ZC3H12B: variants seen among roughly 807,000 people sequenced by gnomAD.
ZC3H12B encodes the protein zinc finger CCCH-type containing 12B, also known as probable ribonuclease ZC3H12B.
Under a neutral mutation model 43.9 loss-of-function variants are expected in ZC3H12B, and 7 were observed. The observed-to-expected ratio is 0.16, with a 90% CI of 0.09 to 0.30. The LOEUF (loss-of-function observed/expected upper bound fraction) is 0.30. ZC3H12B is among the 10% of genes least tolerant of loss of function. ZC3H12B has a pLI of 1.00. For missense variants in ZC3H12B, 475 were observed against 670.2 expected, an observed-to-expected ratio of 0.71 and a Z score of 3.22; for synonymous variants, 222 against 241.7, an observed-to-expected ratio of 0.92 and a Z score of 0.76.
At chrX:65,114,415 T>C in the ZC3H12B span, among the ~76,000 whole-genome samples, 1 of 110,458 alleles carries the variant, frequency 9.1e-6, no homozygotes, top group African/African-American at 3.3e-5. Flanking sequence ...TTCAATTTTC[T>C]CTAGAGTTCT....
At chrX:65,143,849 G>C in the ZC3H12B span, among the ~76,000 whole-genome samples, 2 of 110,808 alleles carry the variant, frequency 1.8e-5, no homozygotes, top group African/African-American at 6.6e-5. Flanking sequence ...GATTACAAGC[G>C]TGAGCCACTG....
At chrX:65,248,761 G>C in the ZC3H12B span, among the ~76,000 whole-genome samples, 1 of 111,716 alleles carries the variant, frequency 9.0e-6, no homozygotes, top group African/African-American at 3.2e-5. Flanking sequence ...TTGATTTTTT[G>C]ATTATGGCCA....
At chrX:65,281,734 G>A in the ZC3H12B span, among the ~76,000 whole-genome samples, 1 of 112,268 alleles carries the variant, frequency 8.9e-6, no homozygotes, top group African/African-American at 3.2e-5. Flanking sequence ...AAGAAACACA[G>A]GGTAAACACT....
chrX:65,263,992 T>C, the ZC3H12B span, among the ~76,000 whole-genome samples: 1 of 111,328 alleles, frequency 9.0e-6, no homozygotes, highest in East Asian at 2.8e-4. Context: ...AAAAAAAGAA[T>C]GAAATAATGT....
the ZC3H12B span, among the ~76,000 whole-genome samples, chrX:65,144,585 G>C: frequency 9.0e-6 from 1 of 111,620 alleles, no homozygotes; most frequent in Non-Finnish European, 1.9e-5. Flanking sequence ...TGCTCTTTGA[G>C]ACTTTTGGAT....
the ZC3H12B span, among the ~76,000 whole-genome samples, chrX:65,335,524 G>A: frequency 9.0e-6 from 1 of 111,578 alleles, no homozygotes; most frequent in African/African-American, 3.3e-5. Context: ...ACAAAATCTA[G>A]ACTCCTCAAA....
At chrX:65,240,748 A>G in the ZC3H12B span, among the ~76,000 whole-genome samples, 4 of 111,951 alleles carry the variant, frequency 3.6e-5, no homozygotes, top group African/African-American at 1.3e-4. Context: ...TGAATGGGAT[A>G]TTTGTAGCGG....
chrX:65,201,022 A>G, the ZC3H12B span, among the ~76,000 whole-genome samples: 4 of 111,785 alleles, frequency 3.6e-5, no homozygotes, highest in Non-Finnish European at 7.5e-5. Flanking sequence ...TATGTCTGCC[A>G]GGTTTTGGTA....
chrX:65,147,344 G>A, the ZC3H12B span, among the ~76,000 whole-genome samples: 2 of 111,414 alleles, frequency 1.8e-5, no homozygotes, highest in African/African-American at 6.5e-5. Flanking sequence ...CAGTGCCTGA[G>A]TATGTGGAAT....
At chrX:65,444,616 A>T (rs1202225510) in intron 3 of ZC3H12B, among the ~76,000 whole-genome samples, 1 of 112,031 alleles carries the variant, frequency 8.9e-6, no homozygotes, top group Non-Finnish European at 1.9e-5. Flanking sequence ...ATGAAAATGG[A>T]CTAATACAGT....
At chrX:65,213,193 A>G in the ZC3H12B span, among the ~76,000 whole-genome samples, 1 of 109,873 alleles carries the variant, frequency 9.1e-6, no homozygotes, top group Non-Finnish European at 1.9e-5. Flanking sequence ...TTTATTCAGC[A>G]CTTAAAAAAA....
intron 3 of ZC3H12B, among the ~76,000 whole-genome samples, chrX:65,459,515 A>C (rs1401832445): frequency 1.3e-4 from 15 of 111,872 alleles, no homozygotes; most frequent in African/African-American, 4.9e-4. Flanking sequence ...CACCATGATC[A>C]AGTGGGCTTC....
the ZC3H12B span, among the ~76,000 whole-genome samples, chrX:65,162,190 G>T: frequency 1.8e-5 from 2 of 110,968 alleles, no homozygotes; most frequent in African/African-American, 6.6e-5. Flanking sequence ...CTCTCTGGCT[G>T]CCCTTAACAT....
chrX:65,346,122 T>A, the ZC3H12B span, among the ~76,000 whole-genome samples: 1 of 111,372 alleles, frequency 9.0e-6, no homozygotes, highest in Admixed American at 9.6e-5. Context: ...AAAAATATTT[T>A]AAAATTCATA....
At chrX:65,035,708 C>A in the ZC3H12B span, among the ~76,000 whole-genome samples, 2 of 111,364 alleles carry the variant, frequency 1.8e-5, no homozygotes, top group East Asian at 5.7e-4. Flanking sequence ...GGTTTGAACA[C>A]ATAGCTGGAG....
the ZC3H12B span, among the ~76,000 whole-genome samples, chrX:65,181,947 G>C: frequency 9.0e-6 from 1 of 111,683 alleles, no homozygotes; most frequent in Non-Finnish European, 1.9e-5. Flanking sequence ...AATGAAATAT[G>C]TGCACGTATG....
At chrX:65,084,617 G>A in the ZC3H12B span, among the ~76,000 whole-genome samples, 4 of 112,470 alleles carry the variant, frequency 3.6e-5, no homozygotes, top group Non-Finnish European at 7.5e-5. Flanking sequence ...ACTAATGGTC[G>A]TGAGGGTGTG....
At chrX:65,120,703 C>G in the ZC3H12B span, among the ~76,000 whole-genome samples, 142 of 111,232 alleles carry the variant, frequency 1.3e-3, no homozygotes, top group African/African-American at 4.1e-3. Flanking sequence ...GGAGTGGTGA[C>G]AGAGGGCATC....
chrX:65,244,525 G>C, the ZC3H12B span, among the ~76,000 whole-genome samples: 1 of 108,289 alleles, frequency 9.2e-6, no homozygotes, highest in Non-Finnish European at 1.9e-5. Flanking sequence ...CAGAAGGATC[G>C]CTTGAGCTCT....
Sources: gnomAD v4.1 joint callset for allele counts (sites outside exome capture counted in the v4.1 genomes callset) on GRCh38, gnomAD v4.1.1 for gene constraint, MANE v1.5 for transcripts, NCBI Gene and HGNC (gene_info 2026-07-23, HGNC 2026-07-21) for gene names.